CGNL1: variants seen among roughly 807,000 people sequenced by gnomAD.
CGNL1 encodes cingulin-like protein 1.
In CGNL1, 132 loss-of-function variants were observed where a neutral mutation model predicts 141.2. The observed-to-expected ratio is 0.93, with a 90% confidence interval of 0.81 to 1.08. The LOEUF (loss-of-function observed/expected upper bound fraction) is 1.08, where lower values mean the gene tolerates loss of function less well. Among genes scored for constraint, CGNL1 ranks in the 50% least tolerant of loss-of-function variants. The pLI is 0.00. For missense variants in CGNL1, 1,870 were observed against 1,588.6 expected, an observed-to-expected ratio of 1.18 and a Z score of -3.01; for synonymous variants, 690 against 622.1, an observed-to-expected ratio of 1.11 and a Z score of -1.63.
At chr15:57,430,649 G>C (rs888805819) in intron 1 of CGNL1, among the ~76,000 whole-genome samples, 1 of 152,170 alleles carries the variant, frequency 6.6e-6, no homozygotes, top group Non-Finnish European at 1.5e-5. Context: ...GGGGCTTCTT[G>C]GGGGAGAGCC....
chr15:57,538,890 G>A (rs1227431216), intron 14 of CGNL1, among the ~76,000 whole-genome samples: 1 of 152,060 alleles, frequency 6.6e-6, no homozygotes, highest in African/African-American at 2.4e-5. Context: ...CAACGGGGAG[G>A]GGAAAAAAGA....
chr15:57,531,881 A>T (rs1279852021), intron 14 of CGNL1, 102 bp downstream of exon 14: 1 of 723,090 alleles, frequency 1.4e-6, no homozygotes, highest in African/African-American at 1.8e-5. Context: ...AGAAAAATTC[A>T]TGCCATCTAG....
At chr15:57,519,149 C>T (rs548556725) in intron 10 of CGNL1, among the ~76,000 whole-genome samples, 1 of 152,138 alleles carries the variant, frequency 6.6e-6, no homozygotes, top group Non-Finnish European at 1.5e-5. Context: ...CCTGTACTGC[C>T]GTTCTGATTG....
chr15:57,431,950 G>A (rs2063050319), intron 1 of CGNL1, among the ~76,000 whole-genome samples: 1 of 152,192 alleles, frequency 6.6e-6, no homozygotes. Flanking sequence ...TTTTTGGTTG[G>A]TGGGTCAATT....
At chr15:57,428,707 A>C (rs965237332) in intron 1 of CGNL1, among the ~76,000 whole-genome samples, 7 of 152,156 alleles carry the variant, frequency 4.6e-5, no homozygotes, top group African/African-American at 1.2e-4. Flanking sequence ...GAGGAAAAAA[A>C]AATGTCTAAA....
chr15:57,378,782 A>T (rs2062394681), intron 1 of CGNL1, among the ~76,000 whole-genome samples: 1 of 152,162 alleles, frequency 6.6e-6, no homozygotes, highest in African/African-American at 2.4e-5. Flanking sequence ...AAGTCCAAAG[A>T]ACATTCATTT....
chr15:57,380,228 T>G (rs1420376131), intron 1 of CGNL1, among the ~76,000 whole-genome samples: 1 of 152,144 alleles, frequency 6.6e-6, no homozygotes, highest in Non-Finnish European at 1.5e-5. Flanking sequence ...GAGATGGGGT[T>G]TCACCATGTT....
chr15:57,449,554 G>A (rs757601878), intron 4 of CGNL1, among the ~76,000 whole-genome samples: 1 of 152,090 alleles, frequency 6.6e-6, no homozygotes, highest in Non-Finnish European at 1.5e-5. Flanking sequence ...ACCTACACTG[G>A]CACATCATTA....
intron 4 of CGNL1, among the ~76,000 whole-genome samples, chr15:57,445,086 A>G (rs1379489454): frequency 2.0e-5 from 3 of 151,976 alleles, no homozygotes; most frequent in African/African-American, 7.3e-5. Flanking sequence ...ATGTAGTGAG[A>G]CCCTGTCTCT....
chr15:57,498,825 T>C (rs2063980866), intron 8 of CGNL1, among the ~76,000 whole-genome samples: 1 of 151,944 alleles, frequency 6.6e-6, no homozygotes, highest in Non-Finnish European at 1.5e-5. Flanking sequence ...GGAAGTATGG[T>C]CCAGGAGGAA....
At chr15:57,505,315 C>T (rs528095820) in intron 8 of CGNL1, among the ~76,000 whole-genome samples, 22 of 152,264 alleles carry the variant, frequency 1.4e-4, no homozygotes, top group Non-Finnish European at 2.5e-4. Flanking sequence ...TGAATGGATC[C>T]GTAACGCCAC....
chr15:57,483,259 A>G (rs1329355099), intron 8 of CGNL1, among the ~76,000 whole-genome samples: 1 of 152,170 alleles, frequency 6.6e-6, no homozygotes, highest in African/African-American at 2.4e-5. Flanking sequence ...TGTATTTTCA[A>G]GCATACAAGT....
intron 10 of CGNL1, among the ~76,000 whole-genome samples, chr15:57,520,940 A>C (rs542407803): frequency 4.6e-5 from 7 of 152,272 alleles, no homozygotes; most frequent in African/African-American, 1.7e-4. Context: ...TCATAGGGTA[A>C]AATCTGCGTC....
At chr15:57,378,329 T>C (rs1376868601) in intron 1 of CGNL1, among the ~76,000 whole-genome samples, 1 of 149,956 alleles carries the variant, frequency 6.7e-6, no homozygotes. Flanking sequence ...AAATCAGTGG[T>C]TTTAAGTTTT....
intron 1 of CGNL1, among the ~76,000 whole-genome samples, chr15:57,419,314 A>C (rs1266774392): frequency 6.6e-6 from 1 of 152,186 alleles, no homozygotes; most frequent in East Asian, 1.9e-4. Flanking sequence ...GATCATACAG[A>C]AACTACACCC....
chr15:57,478,057 C>T (rs1360092614), intron 8 of CGNL1: 1 of 152,154 alleles, frequency 6.6e-6, no homozygotes, highest in African/African-American at 2.4e-5. Flanking sequence ...TAGTAAGGCC[C>T]CAAAATAACT....
At chr15:57,392,420 T>C (rs1192163859) in intron 1 of CGNL1, among the ~76,000 whole-genome samples, 2 of 152,096 alleles carry the variant, frequency 1.3e-5, no homozygotes. Context: ...GTCTTCTACC[T>C]AGTAGAGACA....
chr15:57,514,344 G>A (rs2030594415), intron 8 of CGNL1, among the ~76,000 whole-genome samples: 2 of 152,210 alleles, frequency 1.3e-5, no homozygotes, highest in South Asian at 4.2e-4. Flanking sequence ...TAGAGATGGG[G>A]TTTTATCATG....
chr15:57,476,678 C>T (rs1018225144), intron 8 of CGNL1, among the ~76,000 whole-genome samples: 7 of 152,154 alleles, frequency 4.6e-5, no homozygotes, highest in Non-Finnish European at 7.3e-5. Context: ...TGGGCCAGAA[C>T]AAGTCCAAGT....
Sources: gnomAD v4.1 joint callset for allele counts (sites outside exome capture counted in the v4.1 genomes callset) on GRCh38, gnomAD v4.1.1 for gene constraint, MANE v1.5 for transcripts, NCBI Gene and HGNC (gene_info 2026-07-23, HGNC 2026-07-21) for gene names.